The following PPP1R14C variants were observed in gnomAD, a reference collection of about 807,000 sequenced individuals.
PPP1R14C encodes the protein protein phosphatase 1 regulatory inhibitor subunit 14C.
A neutral mutation model predicts 20.4 loss-of-function variants in PPP1R14C; 16 were observed. That is an observed-to-expected ratio of 0.78 (90% CI 0.53 to 1.19). The LOEUF (loss-of-function observed/expected upper bound fraction) is 1.19. Ranked by LOEUF, PPP1R14C falls within the 50% of genes most tolerant of loss-of-function variation. The probability of loss-of-function intolerance (pLI) is 0.00; values close to 1 mark genes in which losing one functional copy is unlikely to be tolerated. For synonymous variants in PPP1R14C, 91 were observed against 91.0 expected, an observed-to-expected ratio of 1.00 and a Z score of 0.00; for missense variants, 211 against 220.1, an observed-to-expected ratio of 0.96 and a Z score of 0.26.
At chr6:150,238,948 C>CT (rs76550428) in intron 3 of PPP1R14C, among the ~76,000 whole-genome samples, 38 of 148,884 alleles carry the variant, frequency 2.6e-4, no homozygotes, top group Middle Eastern at 3.5e-3. Context: ...GGGTTTCCTT[C>CT]TTTTTTTTTT....
chr6:150,210,512 G>A (rs893853237), intron 1 of PPP1R14C, among the ~76,000 whole-genome samples: 3 of 152,050 alleles, frequency 2.0e-5, no homozygotes, highest in East Asian at 3.9e-4. Flanking sequence ...CCCGGGCTCC[G>A]CAGTGGGGCC....
At chr6:150,237,851 G>T (rs1240500142) in intron 3 of PPP1R14C, among the ~76,000 whole-genome samples, 1 of 151,942 alleles carries the variant, frequency 6.6e-6, no homozygotes, top group Non-Finnish European at 1.5e-5. Context: ...TGTGTGGTAT[G>T]TATTGGGTGA....
At chr6:150,212,054 C>G (rs764735597) in intron 1 of PPP1R14C, among the ~76,000 whole-genome samples, 1 of 152,122 alleles carries the variant, frequency 6.6e-6, no homozygotes, top group Non-Finnish European at 1.5e-5. Flanking sequence ...CCTTGAGATG[C>G]CTGGCATTTT....
In PPP1R14C at chr6:150,179,078, A is replaced by G. The variant is rs367824541; in HGVS notation, c.306+35580A>G. 3.9e-5 allele frequency among the ~76,000 whole-genome samples: 6 copies of G among 152,222 alleles called. 1 individual carries two copies. Among genetic ancestry groups the G allele is most frequent in the East Asian group, 1.9e-4 (1 of 5,172 alleles). On this transcript the variant is annotated intron_variant, in intron 1 of 3. Transcript: ENST00000361131. Reference sequence around the variant, plus strand: ...TAGGAGGAAGGGAGGCCTGGAACCAACCTGGGAAGGCACTGGGGAGACCCA... The same window carrying G: ...TAGGAGGAAGGGAGGCCTGGAACCAGCCTGGGAAGGCACTGGGGAGACCCA...
chr6:150,183,659 C>T (rs2114880879), intron 1 of PPP1R14C, among the ~76,000 whole-genome samples: 1 of 152,176 alleles, frequency 6.6e-6, no homozygotes, highest in South Asian at 2.1e-4. Flanking sequence ...TTACAGGCGC[C>T]TGCCACTGCA....
chr6:150,190,104 T>G (rs914330053), intron 1 of PPP1R14C, among the ~76,000 whole-genome samples: 4 of 152,180 alleles, frequency 2.6e-5, no homozygotes, highest in African/African-American at 9.7e-5. Context: ...CCATGTCACC[T>G]TTCTTATCCT....
intron 2 of PPP1R14C, among the ~76,000 whole-genome samples, chr6:150,215,971 G>A (rs1269195433): frequency 6.6e-6 from 1 of 152,120 alleles, no homozygotes; most frequent in East Asian, 1.9e-4. Flanking sequence ...ATACAGAGGA[G>A]GTAAAAAGTC....
chr6:150,167,452 T>C (rs1452335824), intron 1 of PPP1R14C, among the ~76,000 whole-genome samples: 1 of 152,198 alleles, frequency 6.6e-6, no homozygotes, highest in Non-Finnish European at 1.5e-5. Flanking sequence ...GGGTATGTTC[T>C]TGATTTATTA....
chr6:150,176,004 G>T (rs537190292), intron 1 of PPP1R14C, among the ~76,000 whole-genome samples: 3 of 152,176 alleles, frequency 2.0e-5, no homozygotes, highest in Non-Finnish European at 4.4e-5. Context: ...TCTACTAAAG[G>T]GGAATTCAGA....
chr6:150,221,656 A>G (rs1407819458), intron 3 of PPP1R14C, among the ~76,000 whole-genome samples: 1 of 152,182 alleles, frequency 6.6e-6, no homozygotes. Flanking sequence ...TCTTATGCCA[A>G]TGCTAGCACT....
intron 1 of PPP1R14C, chr6:150,194,972 A>C (rs901885529): frequency 1.8e-5 from 18 of 985,324 alleles, no homozygotes; most frequent in Non-Finnish European, 2.2e-5. Context: ...GGCAAAAGTT[A>C]TAAAAAGAAT....
chr6:150,204,970 A>G (rs1447001651), intron 1 of PPP1R14C, among the ~76,000 whole-genome samples: 1 of 149,620 alleles, frequency 6.7e-6, no homozygotes, highest in Non-Finnish European at 1.5e-5. Context: ...TGGGCATAGA[A>G]CACAACCTCT....
At chr6:150,150,375 C>T (rs1365826091) in intron 1 of PPP1R14C, among the ~76,000 whole-genome samples, 2 of 152,176 alleles carry the variant, frequency 1.3e-5, no homozygotes, top group Non-Finnish European at 2.9e-5. Flanking sequence ...GTCCCACCCA[C>T]TGTCTTTTCC....
chr6:150,145,568 A>G (rs1202027336), intron 1 of PPP1R14C, among the ~76,000 whole-genome samples: 2 of 152,210 alleles, frequency 1.3e-5, no homozygotes, highest in Admixed American at 1.3e-4. Context: ...GTCTCTTTGC[A>G]TCTATTTCTC....
chr6:150,191,563 A>T (rs1418456067), intron 1 of PPP1R14C, among the ~76,000 whole-genome samples: 1 of 152,208 alleles, frequency 6.6e-6, no homozygotes, highest in East Asian at 1.9e-4. Context: ...CTGCTCTTAG[A>T]ATCTTCATTT....
At chr6:150,208,848 C>T (rs753233497) in intron 1 of PPP1R14C, among the ~76,000 whole-genome samples, 1 of 152,134 alleles carries the variant, frequency 6.6e-6, no homozygotes, top group African/African-American at 2.4e-5. Flanking sequence ...GGTTATAGCA[C>T]GGCTGTCCAG....
Position 150,250,168 on chromosome 6 carries a change from T to C in PPP1R14C, c.*1348T>C, listed in dbSNP as rs1012535426. 6.6e-6 allele frequency: 1 copy of C among 152,562 alleles called. No individual in the cohort carries two copies. Among genetic ancestry groups the C allele is most frequent in the African/African-American group, 2.4e-5 (1 of 41,456 alleles). The allele number at this position is 152,562 out of a possible 1,614,324, so 9.5% of individuals were successfully genotyped here. ...CCACCTACCATAAGATGTCTTCAGG[T>C]GGCCTTGTCCAAGGATGGGGGTCAG... On this transcript the variant is annotated 3_prime_UTR_variant, in exon 4 of 4. Transcript: ENST00000361131.
intron 1 of PPP1R14C, among the ~76,000 whole-genome samples, chr6:150,182,395 A>T (rs992553309): frequency 2.0e-5 from 3 of 152,322 alleles, no homozygotes; most frequent in East Asian, 3.9e-4. Flanking sequence ...ATGCCAGTAG[A>T]TTGGGTATTT....
At chr6:150,159,997 G>A (rs1488463822) in intron 1 of PPP1R14C, among the ~76,000 whole-genome samples, 1 of 152,120 alleles carries the variant, frequency 6.6e-6, no homozygotes, top group East Asian at 1.9e-4. Flanking sequence ...TTTGTAGAAT[G>A]TCCCTCACAT....
Sources: allele counts gnomAD v4.1 joint callset (sites outside exome capture counted in the v4.1 genomes callset), GRCh38; gene constraint gnomAD v4.1.1; transcripts MANE v1.5; gene names NCBI Gene and HGNC (gene_info 2026-07-23, HGNC 2026-07-21).